Variants in TEKT5 observed in about 807,000 individuals in gnomAD.
TEKT5 encodes tektin 5.
A neutral mutation model predicts 48.7 loss-of-function variants in TEKT5; 52 were observed. That is an observed-to-expected ratio of 1.07 (90% confidence interval 0.86 to 1.35). The LOEUF is 1.35. Among genes scored for constraint, TEKT5 ranks in the 40% most tolerant of loss-of-function variants. TEKT5 has a pLI of 0.00. For synonymous variants in TEKT5, 318 were observed against 267.6 expected (o/e 1.19, Z -1.84); for missense variants, 831 against 641.6 (o/e 1.30, Z -3.19).
At chr16:10,628,513 A>T (rs2142251310) in intron 6 of TEKT5, among the ~76,000 whole-genome samples, 1 of 152,342 alleles carries the variant, frequency 6.6e-6, no homozygotes, top group Non-Finnish European at 1.5e-5. Context: ...GATAACCAAA[A>T]GGTGGAAGCA....
intron 5 of TEKT5, among the ~76,000 whole-genome samples, chr16:10,639,632 TCA>T (rs1897962663): frequency 1.3e-5 from 2 of 152,208 alleles, no homozygotes; most frequent in African/African-American, 4.8e-5. Context: ...ATTCCAGTGC[TCA>T]CAGTCTATTT....
At chr16:10,672,207 G>GA (rs71404412) in intron 5 of TEKT5, among the ~76,000 whole-genome samples, 15,721 of 151,640 alleles carry the variant, frequency 0.1, 835 homozygotes, top group Non-Finnish European at 0.12. Context: ...GTCTTTGCAT[G>GA]AAAAAAAGAA....
chr16:10,692,980 G>A (rs754942805), intron 1 of TEKT5: 1 of 152,240 alleles, frequency 6.6e-6, no homozygotes, highest in African/African-American at 2.4e-5. Flanking sequence ...CCACTATCGT[G>A]GAGTATTTGT....
intron 4 of TEKT5, among the ~76,000 whole-genome samples, chr16:10,680,205 A>G (rs1417096520): frequency 6.6e-6 from 1 of 152,246 alleles, no homozygotes; most frequent in Non-Finnish European, 1.5e-5. Flanking sequence ...TGTCAGGAAG[A>G]GAAGGAAAGT....
chr16:10,647,787 A>G (rs1420949765), intron 5 of TEKT5, among the ~76,000 whole-genome samples: 1 of 152,216 alleles, frequency 6.6e-6, no homozygotes, highest in African/African-American at 2.4e-5. Flanking sequence ...TTCTTCATTC[A>G]TTCATTCATC....
chr16:10,648,520 CA>C (rs996879092), intron 5 of TEKT5, among the ~76,000 whole-genome samples: 8 of 152,128 alleles, frequency 5.3e-5, no homozygotes, highest in Non-Finnish European at 1.2e-4. Context: ...TTAGTAGAGA[CA>C]GGGTTTTGCC....
chr16:10,631,255 CAAAAAAAA>C (rs557852936), intron 6 of TEKT5, among the ~76,000 whole-genome samples: 1 of 60,282 alleles, frequency 1.7e-5, no homozygotes. Flanking sequence ...GACTCCATCT[CAAAAAAAA>C]AAAAAAAAAA....
At chr16:10,677,438 CG>C (rs750777068) in intron 4 of TEKT5, among the ~76,000 whole-genome samples, 7 of 146,526 alleles carry the variant, frequency 4.8e-5, no homozygotes, top group Non-Finnish European at 8.8e-5. Context: ...GGTGAAATCC[CG>C]TCTCTACTAA....
chr16:10,648,428 C>G (rs545398039), intron 5 of TEKT5, among the ~76,000 whole-genome samples: 5 of 152,234 alleles, frequency 3.3e-5, no homozygotes, highest in African/African-American at 1.2e-4. Context: ...AGTGATTCTC[C>G]TGCCTCAGCC....
chr16:10,689,905 C>T (rs775677433), intron 2 of TEKT5, 37 bp downstream of exon 2: 1 of 1,610,050 alleles, frequency 6.2e-7, no homozygotes, highest in Non-Finnish European at 8.5e-7. Flanking sequence ...CTTCCCGCCT[C>T]CTTCAGGGGG....
intron 5 of TEKT5, 66 bp from the exon 6 acceptor site, chr16:10,635,984 G>T (rs558181806): frequency 2.5e-6 from 4 of 1,581,284 alleles, no homozygotes; most frequent in African/African-American, 1.3e-5. Context: ...CTGGGGGCCT[G>T]GGGGGAGCAA....
chr16:10,659,232 A>G (rs1323180095), intron 5 of TEKT5, among the ~76,000 whole-genome samples: 1 of 152,226 alleles, frequency 6.6e-6, no homozygotes, highest in Admixed American at 6.5e-5. Context: ...TAAAAATCAA[A>G]TTCAAACTGT....
At position 10,627,632 on chromosome 16, in the gene TEKT5, C is replaced by T. The variant is rs1253417906; in HGVS notation, c.1409G>A (p.Gly470Asp). The T allele has an allele frequency of 1.9e-6, 3 of 1,614,196 alleles. No homozygotes were observed. Among genetic ancestry groups the T allele is most frequent in the Admixed American group, 3.3e-5 (2 of 60,030 alleles). ...GGTGCAGGGGAAGGTCTTACGCATG[C>T]CCATGCACTTCTCCTTGTCGATGCA... The part of the protein sequence containing the change: ...TLCIDKEKCM[G>D]MRKTFPCTPR... The change falls in exon 7 of 7, where the codon GGC becomes GAC. Residue 470 changes from glycine (G) to aspartate (D), a missense_variant. By Grantham distance (94) the Gly-to-Asp change is moderately conservative. Coordinates refer to ENST00000283025, the MANE Select transcript of TEKT5 (RefSeq NM_144674.2).
intron 6 of TEKT5, among the ~76,000 whole-genome samples, chr16:10,629,326 C>A (rs149729099): frequency 6.6e-6 from 1 of 151,830 alleles, no homozygotes; most frequent in African/African-American, 2.4e-5. Flanking sequence ...TCTCGGCTCA[C>A]GGCAACCTCT....
At chr16:10,663,652 C>A (rs1198625311) in intron 5 of TEKT5, among the ~76,000 whole-genome samples, 1 of 152,200 alleles carries the variant, frequency 6.6e-6, no homozygotes, top group South Asian at 2.1e-4. Context: ...CCTTGGCACT[C>A]TTGACATTTG....
At chr16:10,677,518 G>A (rs1437581420) in intron 4 of TEKT5, among the ~76,000 whole-genome samples, 1 of 145,458 alleles carries the variant, frequency 6.9e-6, no homozygotes, top group Non-Finnish European at 1.5e-5. Flanking sequence ...GCTGAGGCAG[G>A]AGAATCACTT....
chr16:10,652,451 A>AACAAAC lies in TEKT5; in HGVS notation c.1087-16534_1087-16533insGTTTGT, dbSNP rs1898174647. 6.0e-5 allele frequency among the ~76,000 whole-genome samples: 4 copies of AACAAAC among 66,730 alleles called. No individual in the cohort carries two copies. In the Admixed American group the frequency reaches 7.5e-4, roughly 12 times the overall value. 43.8% of individuals were successfully genotyped at this position (66,730 alleles called of 152,430 possible). A position where few individuals can be genotyped will look rare whatever the true frequency, so the allele number is the denominator to read the frequency against. On this transcript the variant is annotated intron_variant, in intron 5 of 6. Transcript: ENST00000283025. ...CAGCAATCCCTTATATACACAGGCA[A>AACAAAC]ACACACACACACACACACACACACA...
chr16:10,680,225 T>G (rs544136927), intron 4 of TEKT5, among the ~76,000 whole-genome samples: 11 of 152,062 alleles, frequency 7.2e-5, no homozygotes, highest in African/African-American at 2.7e-4. Flanking sequence ...TCCCCAGGAG[T>G]TGTCATTACC....
intron 3 of TEKT5, among the ~76,000 whole-genome samples, chr16:10,687,880 C>T (rs1898891998): frequency 6.6e-6 from 1 of 151,858 alleles, no homozygotes; most frequent in Admixed American, 6.6e-5. Flanking sequence ...TTGTGGGGTA[C>T]CTGAGATATT....
Sources: allele counts gnomAD v4.1 joint callset (sites outside exome capture counted in the v4.1 genomes callset), GRCh38; gene constraint gnomAD v4.1.1; transcripts MANE v1.5; gene names NCBI Gene and HGNC (gene_info 2026-07-23, HGNC 2026-07-21).